Variants in PKD2L1 observed in about 807,000 individuals in gnomAD.
The protein encoded by PKD2L1 is polycystin 2 like 1, transient receptor potential cation channel.
A neutral mutation model predicts 93.0 loss-of-function variants in PKD2L1; 77 were observed. The ratio of observed to expected loss-of-function variants is 0.83; its 90% CI spans 0.69 to 1.00. The LOEUF (loss-of-function observed/expected upper bound fraction) is 1.00. PKD2L1 is among the 50% of genes least tolerant of loss of function. The pLI, the probability that PKD2L1 is intolerant of heterozygous loss-of-function variation, is 0.00. For synonymous variants in PKD2L1, 390 were observed against 388.0 expected, an observed-to-expected ratio of 1.01 and a Z score of -0.06; for missense variants, 977 against 990.9, an observed-to-expected ratio of 0.99 and a Z score of 0.19.
At chr10:100,322,044 G>C (rs558890316) in intron 2 of PKD2L1, among the ~76,000 whole-genome samples, 1 of 151,914 alleles carries the variant, frequency 6.6e-6, no homozygotes, top group Admixed American at 6.5e-5. Context: ...TGGGCAACAC[G>C]GGGAAGCCCC....
At chr10:100,316,943 C>G (rs1449126109) in intron 2 of PKD2L1, among the ~76,000 whole-genome samples, 1 of 151,952 alleles carries the variant, frequency 6.6e-6, no homozygotes, top group African/African-American at 2.4e-5. Flanking sequence ...AAAAAATTAG[C>G]TGGGTGTGGT....
At chr10:100,291,842 G>C (rs1848413567) in intron 11 of PKD2L1, among the ~76,000 whole-genome samples, 1 of 152,020 alleles carries the variant, frequency 6.6e-6, no homozygotes, top group African/African-American at 2.4e-5. Flanking sequence ...TGGTAGTGTG[G>C]CCTTTCTCAG....
At chr10:100,306,721 T>A (rs1385155129) in intron 2 of PKD2L1, among the ~76,000 whole-genome samples, 1 of 151,134 alleles carries the variant, frequency 6.6e-6, no homozygotes. Context: ...ATTGGGTGTG[T>A]TGGCACACAC....
chr10:100,295,663 G>A (rs1848515238), intron 7 of PKD2L1, among the ~76,000 whole-genome samples: 1 of 148,540 alleles, frequency 6.7e-6, no homozygotes, highest in Non-Finnish European at 1.5e-5. Context: ...AACCCGGGAG[G>A]CAGAGGTTGC....
intron 9 of PKD2L1, 152 bp from the exon 10 acceptor site, chr10:100,293,531 TC>T (rs1848454228): frequency 1.6e-6 from 1 of 618,564 alleles, no homozygotes; most frequent in Non-Finnish European, 2.9e-6. Context: ...CCTCTCAGGG[TC>T]CCCAGAGCCC....
rs1292493330 is a variant in PKD2L1 at position 100,315,100 on chromosome 10, GGAAGGGAAGGGAAGGGAAGAGAAAA to G, written c.349+14086_349+14110del. Among the ~76,000 whole-genome samples the G allele has an allele frequency of 1.0e-4, 13 of 127,590 alleles. 4 individuals are homozygous for G. Among genetic ancestry groups the G allele is most frequent in the Non-Finnish European group, 1.8e-4 (11 of 60,606 alleles). 83.7% of individuals were successfully genotyped at this position (127,590 alleles called of 152,430 possible). ...GGAAGGGAAGGGAAGGGAAGGGAAGGGAAGGGAAGGGAAGGGAAGAGAAAACAGTTGAAATGATTATATACCAAAC... is the reference window on the plus strand; with the variant it reads ...GGAAGGGAAGGGAAGGGAAGGGAAGGCAGTTGAAATGATTATATACCAAAC... On this transcript the variant is annotated intron_variant, in intron 2 of 15. Transcript: ENST00000318222.
Position 100,318,924 on chromosome 10 carries a change from C to T in PKD2L1, c.349+10287G>A, listed in dbSNP as rs565224346. Reference sequence around the variant, plus strand: ...ACAGTGGCGTGATCTCGGCTCACTGCAACCTCCACCTCTGGGGTTCAAGTG... The same window carrying T: ...ACAGTGGCGTGATCTCGGCTCACTGTAACCTCCACCTCTGGGGTTCAAGTG... On this transcript the variant is annotated intron_variant, in intron 2 of 15. Coordinates refer to ENST00000318222, the MANE Select transcript of PKD2L1 (RefSeq NM_016112.3). 5.3e-5 allele frequency among the ~76,000 whole-genome samples: 8 copies of T among 151,706 alleles called. No individual in the cohort carries two copies. In the South Asian group the frequency reaches 1.7e-3, roughly 32 times the overall value.
intron 2 of PKD2L1, among the ~76,000 whole-genome samples, chr10:100,322,213 C>T (rs973051433): frequency 1.8e-4 from 28 of 151,866 alleles, no homozygotes; most frequent in Middle Eastern, 3.2e-3. Flanking sequence ...GAGCAAGGCC[C>T]GGTCTCAAAA....
At chr10:100,290,259 G>T in intron 13 of PKD2L1, 121 bp from the exon 14 acceptor site, 4 of 1,370,172 alleles carry the variant, frequency 2.9e-6, no homozygotes, top group Non-Finnish European at 4.1e-6. Flanking sequence ...GGAAGACCCA[G>T]CCTTGTAGGC....
chr10:100,325,855 TG>T (rs1849367170), intron 2 of PKD2L1, among the ~76,000 whole-genome samples: 2 of 152,228 alleles, frequency 1.3e-5, no homozygotes, highest in Non-Finnish European at 2.9e-5. Flanking sequence ...TTATTTAACC[TG>T]CTTAAGAATC....
chr10:100,308,108 T>A (rs1848847106), intron 2 of PKD2L1, among the ~76,000 whole-genome samples: 1 of 150,374 alleles, frequency 6.7e-6, no homozygotes. Flanking sequence ...GAGTATCTGA[T>A]TTTTTTTTTC....
rs569498603 is a variant in PKD2L1, at chr10:100,313,722, A to G, written c.350-14004T>C. 1.3e-3 allele frequency among the ~76,000 whole-genome samples: 198 copies of G among 152,336 alleles called. 1 individual carries two copies. The highest frequency in any genetic ancestry group is 4.6e-3 in the African/African-American group (191 of 41,580). ...TTTGAGTTATATCTATCTACCCTCA[A>G]TAGACCCTTTAACTCCAGAGAGAAT... On this transcript the variant is annotated intron_variant, in intron 2 of 15. Transcript: ENST00000318222.
chr10:100,325,918 G>T (rs1849368575), intron 2 of PKD2L1, among the ~76,000 whole-genome samples: 1 of 152,274 alleles, frequency 6.6e-6, no homozygotes, highest in South Asian at 2.1e-4. Context: ...TAGCAAACTT[G>T]CTCAGGATCA....
rs138589113 is a variant in PKD2L1, at chr10:100,311,293, C to G, written c.350-11575G>C. ...GTACACGTTTTTTTCCTCTTCTAACCTTTTCCCACTTGTTTTGCTAGGTCG... is the reference window on the plus strand; with the variant it reads ...GTACACGTTTTTTTCCTCTTCTAACGTTTTCCCACTTGTTTTGCTAGGTCG... On this transcript the variant is annotated intron_variant, in intron 2 of 15. Transcript: ENST00000318222. Among the ~76,000 whole-genome samples the G allele has an allele frequency of 4.3e-4, 65 of 152,248 alleles. 1 individual carries two copies. The East Asian group carries it at 0.012, about 29-fold the overall frequency.
At chr10:100,300,757 CTG>C (rs753637057) in intron 2 of PKD2L1, among the ~76,000 whole-genome samples, 5 of 152,272 alleles carry the variant, frequency 3.3e-5, no homozygotes, top group Non-Finnish European at 7.4e-5. Flanking sequence ...CGTAAAATTA[CTG>C]TTTTTCTTTT....
intron 2 of PKD2L1, among the ~76,000 whole-genome samples, chr10:100,306,854 TCAAAAAA>T (rs1472208528): frequency 1.4e-3 from 16 of 11,468 alleles, no homozygotes; most frequent in African/African-American, 8.3e-3. Flanking sequence ...TGAGACCCTG[TCAAAAAA>T]AAAAAAAAAA....
intron 2 of PKD2L1, among the ~76,000 whole-genome samples, chr10:100,307,120 C>T: frequency 6.6e-6 from 1 of 152,142 alleles, no homozygotes; most frequent in Non-Finnish European, 1.5e-5. Context: ...AAAGAAAGGA[C>T]AAGACTAGAC....
chr10:100,314,428 A>T (rs1409300227), intron 2 of PKD2L1, among the ~76,000 whole-genome samples: 2 of 152,142 alleles, frequency 1.3e-5, no homozygotes, highest in African/African-American at 4.8e-5. Flanking sequence ...GAGAGAGAAG[A>T]GAGAGAAGGA....
intron 2 of PKD2L1, among the ~76,000 whole-genome samples, chr10:100,323,130 C>T (rs1176992775): frequency 6.6e-6 from 1 of 152,158 alleles, no homozygotes; most frequent in Non-Finnish European, 1.5e-5. Flanking sequence ...AGGGAAAGTA[C>T]TTTCACTTAA....
Sources: gnomAD v4.1 joint callset for allele counts (sites outside exome capture counted in the v4.1 genomes callset) on GRCh38, gnomAD v4.1.1 for gene constraint, MANE v1.5 for transcripts, NCBI Gene and HGNC (gene_info 2026-07-23, HGNC 2026-07-21) for gene names.